COL16A1: variants seen among roughly 807,000 people sequenced by gnomAD.
COL16A1 encodes the protein collagen type XVI alpha 1 chain.
In COL16A1, 189 loss-of-function variants were observed where a neutral mutation model predicts 266.3. That is an observed-to-expected ratio of 0.71 (90% confidence interval 0.63 to 0.80). The LOEUF is 0.80. Ranked by LOEUF, COL16A1 falls within the 30% of genes least tolerant of loss-of-function variation. The probability of loss-of-function intolerance (pLI) is 0.00; values close to 1 mark genes in which losing one functional copy is unlikely to be tolerated. For synonymous variants in COL16A1, 740 were observed against 782.3 expected, an observed-to-expected ratio of 0.95 and a Z score of 0.90; for missense variants, 1,928 against 2,122.4, an observed-to-expected ratio of 0.91 and a Z score of 1.80.
At chr1:31,677,083 T>TTTA (rs144646000) in intron 42 of COL16A1, among the ~76,000 whole-genome samples, 4 of 151,440 alleles carry the variant, frequency 2.6e-5, no homozygotes, top group Admixed American at 6.6e-5. Context: ...TTATTTTTTA[T>TTTA]TTATTATTAT....
chr1:31,697,955 A>G lies in COL16A1; in HGVS notation c.608T>C (p.Val203Ala), dbSNP rs765181659. 9 of 1,613,064 alleles carry G rather than the reference A, an allele frequency of 5.6e-6. No individual in the cohort carries two copies. The East Asian group carries it at 2.0e-4, about 36-fold the overall frequency. ...PLGPRRPMRP[V>A]GHVFLGLDAE... ...ATCCAAGCCTAGAAATACATGGCCC[A>G]CAGGCCTCATGGGTCGTCGGGGCCC... Residue 203 changes from valine (V) to alanine (A), a missense_variant, in exon 6 of 71, where the codon GTG becomes GCG. Physicochemically the swap from Val to Ala is moderately conservative, Grantham distance 64. Around this residue, in one of 2 missense-constraint regions of COL16A1, gnomAD observed 1,552 missense variants for 1,637.2 expected, o/e 0.95. Coordinates refer to ENST00000373672, the MANE Select transcript of COL16A1 (RefSeq NM_001856.4). This position sits in a 1 kb window ranked among gnomAD's most constrained non-coding sequence, Gnocchi z 4.2.
In COL16A1 at chr1:31,668,073, G is replaced by T; in HGVS notation, c.3303+92C>A. 8.6e-7 allele frequency: 1 copy of T among 1,156,494 alleles called. No homozygotes were observed. The allele number at this position is 1,156,494 out of a possible 1,614,324, so 71.6% of individuals were successfully genotyped here. On this transcript the variant is annotated intron_variant, in intron 51 of 70. Transcript: ENST00000373672. The surrounding 1 kb of genome is among the most constrained non-coding windows in gnomAD (Gnocchi z 5.8). Reference sequence around the variant, plus strand: ...TGAAATGCCCGGTAATGGGGAGCCCGCCGAGGGTTGCCCAGCCTGGCTGTG... The same window carrying T: ...TGAAATGCCCGGTAATGGGGAGCCCTCCGAGGGTTGCCCAGCCTGGCTGTG...
chr1:31,696,316 C>T (rs865861960), intron 8 of COL16A1, among the ~76,000 whole-genome samples, 175 bp from the exon 9 acceptor site: 1 of 150,228 alleles, frequency 6.7e-6, no homozygotes, highest in Admixed American at 6.6e-5. Flanking sequence ...CAACAGGTCC[C>T]CCTCCTTCCC....
At position 31,667,604 on chromosome 1, in the gene COL16A1, T is replaced by C. The variant is rs908666837; in HGVS notation, c.3328A>G (p.Thr1110Ala). The change falls in exon 52 of 71, where the codon ACC (threonine) becomes GCC (alanine). Residue 1110 changes from threonine to alanine, a missense_variant. Around this residue, in one of 2 missense-constraint regions of COL16A1, gnomAD observed 1,552 missense variants for 1,637.2 expected, o/e 0.95. Coordinates refer to ENST00000373672, the MANE Select transcript of COL16A1 (RefSeq NM_001856.4). ...LPGIKGERGY[T>A]GSAGEKGEPG... ...TCTCCTTTCTCTCCCGCTGACCCGGTGTAGCCACGCTCCCCCTTGATGCCC... is the reference window on the plus strand; with the variant it reads ...TCTCCTTTCTCTCCCGCTGACCCGGCGTAGCCACGCTCCCCCTTGATGCCC... 1.2e-6 allele frequency: 2 copies of C among 1,604,604 alleles called. No individual in the cohort carries two copies. The highest frequency in any genetic ancestry group is 8.5e-7 in the Non-Finnish European group (1 of 1,176,024).
chr1:31,701,770 G>T (rs891536575), intron 2 of COL16A1, among the ~76,000 whole-genome samples: 27 of 152,172 alleles, frequency 1.8e-4, no homozygotes, highest in Non-Finnish European at 2.1e-4. Context: ...CCACCCCACT[G>T]GTCCTACCAG....
Position 31,662,655 on chromosome 1 carries a change from T to C in COL16A1, c.3559A>G (p.Ser1187Gly). Residue 1187 changes from serine to glycine, a missense_variant, in exon 57 of 71, where the codon AGC becomes GGC. Physicochemically the swap from Ser to Gly is moderately conservative, Grantham distance 56. Coordinates refer to ENST00000373672, the MANE Select transcript of COL16A1 (RefSeq NM_001856.4). ...GPPGPQAEKG[S>G]EGIRGPSGLP... ...CCTGATGGGCCTCGAATCCCTTCGCTGCCCTGGAAACCAGCGCCGCCCCCC... is the reference window on the plus strand; with the variant it reads ...CCTGATGGGCCTCGAATCCCTTCGCCGCCCTGGAAACCAGCGCCGCCCCCC... The C allele has an allele frequency of 6.5e-7, 1 of 1,534,756 alleles. No homozygotes were observed. The highest frequency in any genetic ancestry group is 8.8e-7 in the Non-Finnish European group (1 of 1,137,156).
rs1044027412 is a variant in COL16A1, at chr1:31,652,820, C to T, written c.4646G>A (p.Gly1549Asp). The T allele has an allele frequency of 1.3e-6, 2 of 1,571,980 alleles. No homozygotes were observed. Among genetic ancestry groups the T allele is most frequent in the African/African-American group, 1.4e-5 (1 of 73,104 alleles). Residue 1549 changes from glycine (G) to aspartate (D), a missense_variant, in exon 71 of 71, where the codon GGT becomes GAT. Gly to Asp is a moderately conservative substitution (Grantham distance 94, BLOSUM62 -1). Transcript: ENST00000373672. The surrounding 1 kb of genome is among the most constrained non-coding windows in gnomAD (Gnocchi z 4.8). ...TTGCTGGCCCATTGGTCCTGTTGCA[C>T]CCATCTTGCCATAGCCTGGAGGACC... is the stretch of plus-strand genomic sequence containing the variant. ...PQGPPGYGKM[G>D]ATGPMGQQGI... is the part of the protein sequence containing the mutation.
At position 31,674,999 on chromosome 1, in the gene COL16A1, C is replaced by T. The variant is rs766553560; in HGVS notation, c.2859+8G>A. ...CAGCTCACACTTCCCTCCTGGGTAC[C>T]CTCTTACCTTAAGGAGGTGCTGTTC... is the stretch of plus-strand genomic sequence containing the variant. On this transcript the variant is annotated splice_region_variant and intron_variant, in intron 44 of 70. Transcript: ENST00000373672. 2 of 1,611,820 alleles carry T rather than the reference C, an allele frequency of 1.2e-6. No homozygotes were observed. The highest frequency in any genetic ancestry group is 1.3e-5 in the African/African-American group (1 of 74,890).
Position 31,652,659 on chromosome 1 carries a change from A to C in COL16A1, c.4807T>G (p.Phe1603Val), listed in dbSNP as rs766218937. 11 of 1,575,118 alleles carry C rather than the reference A, an allele frequency of 7.0e-6. 1 individual carries two copies. In the South Asian group the frequency reaches 1.3e-4, roughly 19 times the overall value. The change falls in exon 71 of 71, where the codon TTT (phenylalanine) becomes GTT (valine). Residue 1603 changes from phenylalanine (F) to valine (V), a missense_variant. By Grantham distance (50) the Phe-to-Val change is conservative (BLOSUM62 -1). This residue lies in a region of COL16A1 where 376 missense variants were observed against 485.2 expected (regional missense o/e 0.77). Transcript: ENST00000373672. The surrounding 1 kb of genome is among the most constrained non-coding windows in gnomAD (Gnocchi z 4.8). ...YPPMKTMKGP[F>V]G ...AAGGCAGGTGGGGAATTTCAGCCAA[A>C]AGGCCCCTTCATGGTTTTCATGGGT...
In COL16A1 at chr1:31,693,045, G is replaced by A. The variant is rs902547935; in HGVS notation, c.1071+47C>T. On this transcript the variant is annotated intron_variant, in intron 13 of 70. Transcript: ENST00000373672. ...TGGCTCACATCCCACCTCACCCCAG[G>A]GCACAGCTGGCAAAGGTCCTGCCAC... 12 of 1,280,618 alleles carry A rather than the reference G, an allele frequency of 9.4e-6. No individual in the cohort carries two copies. The Middle Eastern group carries it at 9.8e-4, about 104-fold the overall frequency. 79.3% of individuals were successfully genotyped at this position (1,280,618 alleles called of 1,614,324 possible).
In COL16A1 at chr1:31,652,907, AAAG is replaced by A. The variant is rs2148635423; in HGVS notation, c.4613-57_4613-55del. 2 of 1,409,686 alleles carry A rather than the reference AAAG, an allele frequency of 1.4e-6. No homozygotes were observed. The highest frequency in any genetic ancestry group is 3.4e-5 in the Admixed American group (1 of 29,074). The allele number at this position is 1,409,686 out of a possible 1,614,324, so 87.3% of individuals were successfully genotyped here. On this transcript the variant is annotated intron_variant, in intron 70 of 70. Transcript: ENST00000373672. The surrounding 1 kb of genome is among the most constrained non-coding windows in gnomAD (Gnocchi z 4.8). ...ATCAGAAGACCCAGATCATAAGGGA[AAAG>A]AAGCCATAATGGCATCAAATAATAC...
In COL16A1 at chr1:31,688,512, A is replaced by G; in HGVS notation, c.1768-10T>C. On this transcript the variant is annotated splice_polypyrimidine_tract_variant and intron_variant, in intron 25 of 70. Transcript: ENST00000373672. The surrounding 1 kb of genome is among the most constrained non-coding windows in gnomAD (Gnocchi z 4.9). ...GAACCCCAGCTCTACCCTGAAAAACAACCAAGACAGAGTCTCAGCATCTCC... is the reference window on the plus strand; with the variant it reads ...GAACCCCAGCTCTACCCTGAAAAACGACCAAGACAGAGTCTCAGCATCTCC... 1 of 1,614,104 alleles carries G rather than the reference A, an allele frequency of 6.2e-7. No individual in the cohort carries two copies. Among genetic ancestry groups the G allele is most frequent in the Middle Eastern group, 1.6e-4 (1 of 6,062 alleles).
intron 42 of COL16A1, 50 bp downstream of exon 42, chr1:31,679,582 G>C (rs759724922): frequency 1.2e-6 from 2 of 1,614,020 alleles, no homozygotes; most frequent in African/African-American, 2.7e-5. Flanking sequence ...CAGCCATCCT[G>C]ACCCATGAGC....
At chr1:31,694,668 G>A (rs982796354) in intron 11 of COL16A1, among the ~76,000 whole-genome samples, 1 of 152,208 alleles carries the variant, frequency 6.6e-6, no homozygotes, top group Non-Finnish European at 1.5e-5. Context: ...GCCTATGGAA[G>A]AGGCACAGTT....
intron 2 of COL16A1, among the ~76,000 whole-genome samples, chr1:31,700,391 A>G (rs1644682527): frequency 6.6e-6 from 1 of 152,212 alleles, no homozygotes; most frequent in Admixed American, 6.5e-5. Flanking sequence ...GAACTCCAGG[A>G]ACCCAAATCT....
chr1:31,682,269 T>C (rs559256838), intron 37 of COL16A1, among the ~76,000 whole-genome samples: 16 of 152,206 alleles, frequency 1.1e-4, no homozygotes, highest in Non-Finnish European at 1.9e-4. Flanking sequence ...TCTTAAAACG[T>C]GGGAGCCACT....
chr1:31,660,489 G>A, intron 62 of COL16A1, 96 bp downstream of exon 62: 1 of 1,529,732 alleles, frequency 6.5e-7, no homozygotes, highest in Non-Finnish European at 8.9e-7. Flanking sequence ...AGCCCCTATG[G>A]CAAGTTCTCT....
At position 31,660,618 on chromosome 1, in the gene COL16A1, T is replaced by C. The variant is rs934483265; in HGVS notation, c.3846A>G (p.Gly1282=). 3.1e-6 allele frequency: 5 copies of C among 1,613,768 alleles called. No individual in the cohort carries two copies. The highest frequency in any genetic ancestry group is 3.4e-6 in the Non-Finnish European group (4 of 1,179,902). The change falls in exon 62 of 71, where the codon GGA becomes GGG. Residue 1282 remains glycine (G), a synonymous_variant. Coordinates refer to ENST00000373672, the MANE Select transcript of COL16A1 (RefSeq NM_001856.4). ...PGAEGEPGAM[G]PQGRPGPPGH... ...CCGGGGGACCGGGTCTTCCCTGGGG[T>C]CCCATGGCACCAGGTTCACCCTGCA...
At chr1:31,674,921 G>A (rs1643049685) in intron 44 of COL16A1, 86 bp downstream of exon 44, 7 of 1,564,202 alleles carry the variant, frequency 4.5e-6, no homozygotes, top group Non-Finnish European at 5.2e-6. Flanking sequence ...TCTCTGCGAG[G>A]TGCCACACAG....
Sources: gnomAD v4.1 joint callset for allele counts (sites outside exome capture counted in the v4.1 genomes callset) on GRCh38, gnomAD v4.1.1 for gene constraint, gnomAD v4.1.1 regional missense constraint, Gnocchi (gnomAD v3.1) non-coding constraint, MANE v1.5 for transcripts, NCBI Gene and HGNC (gene_info 2026-07-23, HGNC 2026-07-21) for gene names.